SACS: variants seen among roughly 807,000 people sequenced by gnomAD.
SACS encodes sacsin.
SACS carries 197 observed loss-of-function variants against 348.0 expected under a neutral mutation model. The observed-to-expected ratio is 0.57, with a 90% CI of 0.50 to 0.64. The LOEUF is 0.64. Among genes scored for constraint, SACS ranks in the 30% least tolerant of loss-of-function variants. The probability of loss-of-function intolerance (pLI) is 0.00; values close to 1 mark genes in which losing one functional copy is unlikely to be tolerated. For synonymous variants in SACS, 1,985 were observed against 1,910.6 expected, an observed-to-expected ratio of 1.04 and a Z score of -1.02; for missense variants, 4,999 against 5,360.8, an observed-to-expected ratio of 0.93 and a Z score of 2.11.
At chr13:23,347,930 C>CATAAGAAGGCTTCATA (rs1869717705) in intron 9 of SACS, among the ~76,000 whole-genome samples, 2 of 152,156 alleles carry the variant, frequency 1.3e-5, no homozygotes, top group Admixed American at 6.5e-5. Context: ...TCATAACACC[C>CATAAGAAGGCTTCATA]AGAAAATGGA....
intron 4 of SACS, among the ~76,000 whole-genome samples, chr13:23,368,876 T>A (rs948268770): frequency 2.8e-4 from 42 of 151,896 alleles, no homozygotes; most frequent in African/African-American, 9.4e-4. Flanking sequence ...TTTTTTTGTA[T>A]TTTTAGTAGA....
intron 3 of SACS, among the ~76,000 whole-genome samples, chr13:23,371,986 G>A (rs1201380491): frequency 6.6e-6 from 1 of 152,076 alleles, no homozygotes; most frequent in South Asian, 2.1e-4. Flanking sequence ...AGTGAGATCT[G>A]TCTCTATTTG....
At chr13:23,374,826 A>G (rs1871636294) in intron 3 of SACS, among the ~76,000 whole-genome samples, 1 of 152,194 alleles carries the variant, frequency 6.6e-6, no homozygotes. Context: ...TGATTAAATC[A>G]CTTCATTGAT....
chr13:23,346,345 C>T (rs1869605962), intron 9 of SACS, among the ~76,000 whole-genome samples: 1 of 151,348 alleles, frequency 6.6e-6, no homozygotes, highest in African/African-American at 2.4e-5. Context: ...GAGGTTTTAC[C>T]ATCTTGGCCA....
In SACS at chr13:23,339,774, TATACAGCCATCTG is replaced by T; in HGVS notation, c.4089_4101del (p.Arg1364AlafsTer25). The T allele has an allele frequency of 6.2e-7, 1 of 1,614,042 alleles. No individual in the cohort carries two copies. Among genetic ancestry groups the T allele is most frequent in the Non-Finnish European group, 8.5e-7 (1 of 1,179,956 alleles). ...TTGGGGCTTGCTGGAATCTGATTGC[TATACAGCCATCTG>T]ATAATATTCAACATAAGATGAAGAT... On this transcript the variant is annotated frameshift_variant, in exon 10 of 10. Coordinates refer to ENST00000382292, the MANE Select transcript of SACS (RefSeq NM_014363.6). LOFTEE classifies it high-confidence loss of function.
Position 23,339,877 on chromosome 13 carries a change from G to C in SACS, c.3999C>G (p.Ser1333=). ...SIEELTSDHI[S]MVIQKIYLKS... is the part of the protein sequence containing the mutation. Reference sequence around the variant, plus strand: ...TGAGATATATCTTCTGAATAACCATGGAAATATGATCTGATGTCAACTCCT... The same window carrying C: ...TGAGATATATCTTCTGAATAACCATCGAAATATGATCTGATGTCAACTCCT... The change falls in exon 10 of 10, where the codon TCC becomes TCG. Residue 1333 remains serine, a synonymous_variant. Coordinates refer to ENST00000382292, the MANE Select transcript of SACS (RefSeq NM_014363.6). 2 of 1,613,678 alleles carry C rather than the reference G, an allele frequency of 1.2e-6. No individual in the cohort carries two copies. Among genetic ancestry groups the C allele is most frequent in the Non-Finnish European group, 1.7e-6 (2 of 1,179,906 alleles).
rs779198013 is a variant in SACS at position 23,330,470 on chromosome 13, G to A, written c.13406C>T (p.Ala4469Val). The change falls in exon 10 of 10, where the codon GCC becomes GTC. Residue 4469 changes from alanine to valine, a missense_variant. Physicochemically the swap from Ala to Val is moderately conservative, Grantham distance 64 (BLOSUM62 0). Transcript: ENST00000382292. ...SAARNDLHKN[A>V]NEWVCFKCYL... ...ACATTTAAAGCACACCCACTCATTG[G>A]CATTTTTATGAAGGTCATTCCTGGC... The A allele has an allele frequency of 1.2e-6, 2 of 1,614,166 alleles. No individual in the cohort carries two copies. Among genetic ancestry groups the A allele is most frequent in the Non-Finnish European group, 1.7e-6 (2 of 1,180,016 alleles).
chr13:23,346,303 C>T (rs1382078921), intron 9 of SACS, among the ~76,000 whole-genome samples: 1 of 152,144 alleles, frequency 6.6e-6, no homozygotes, highest in Non-Finnish European at 1.5e-5. Context: ...TGCCACCACG[C>T]CTGGCTAATT....
intron 5 of SACS, 135 bp downstream of exon 5, chr13:23,368,267 C>T (rs983221059): frequency 4.7e-6 from 3 of 643,930 alleles, no homozygotes; most frequent in Non-Finnish European, 5.5e-6. Flanking sequence ...TACACTGCAG[C>T]CACAGAGGTA....
chr13:23,406,062 C>T (rs908321668), intron 2 of SACS, among the ~76,000 whole-genome samples: 1 of 152,230 alleles, frequency 6.6e-6, no homozygotes, highest in African/African-American at 2.4e-5. Context: ...AATCATTCTA[C>T]TCTAAAGACA....
intron 9 of SACS, chr13:23,346,661 C>T: frequency 6.1e-6 from 1 of 163,212 alleles, no homozygotes; most frequent in Non-Finnish European, 1.3e-5. Flanking sequence ...GTATGGTTTC[C>T]TCTCTCCTTT....
intron 9 of SACS, chr13:23,346,763 G>A: frequency 3.2e-6 from 3 of 940,548 alleles, no homozygotes; most frequent in Non-Finnish European, 3.8e-6. Flanking sequence ...AGAGCCAAAT[G>A]AACAAAAACA....
In SACS at chr13:23,329,179, CAAT is replaced by C; in HGVS notation, c.*954_*956del. 2.3e-6 allele frequency: 1 copy of C among 427,638 alleles called. No individual in the cohort carries two copies. 26.5% of individuals were successfully genotyped at this position (427,638 alleles called of 1,614,324 possible). On this transcript the variant is annotated 3_prime_UTR_variant, in exon 10 of 10. Transcript: ENST00000382292. ...GATAATTATAAACTACTAGATAACA[CAAT>C]GATTTTAACAATTTTTGATGTTTTT...
intron 1 of SACS, among the ~76,000 whole-genome samples, chr13:23,429,889 A>T (rs9580621): frequency 3.9e-4 from 59 of 152,028 alleles, no homozygotes; most frequent in Non-Finnish European, 7.6e-4. Flanking sequence ...TGTAATCAGG[A>T]TTGTCTCTGG....
intron 2 of SACS, among the ~76,000 whole-genome samples, chr13:23,391,990 C>T (rs1214290090): frequency 1.3e-5 from 2 of 152,182 alleles, no homozygotes; most frequent in African/African-American, 2.4e-5. Flanking sequence ...ACTGCAAATA[C>T]TCCAAGGAAG....
intron 3 of SACS, chr13:23,373,943 G>C (rs1593159994): frequency 6.5e-6 from 1 of 152,698 alleles, no homozygotes; most frequent in South Asian, 2.0e-4. Context: ...CCAGCGGCTA[G>C]GGGTTCATCC....
intron 2 of SACS, among the ~76,000 whole-genome samples, chr13:23,393,105 G>A (rs142727848): frequency 4.6e-4 from 70 of 152,232 alleles, no homozygotes; most frequent in African/African-American, 1.5e-3. Context: ...GCAAAGCCAC[G>A]GCAGGGCCCC....
At position 23,329,889 on chromosome 13, in the gene SACS, T is replaced by C; in HGVS notation, c.*247A>G. On this transcript the variant is annotated 3_prime_UTR_variant, in exon 10 of 10. Transcript: ENST00000382292. ...ATATAAAGTGCAGTTCAATGATGTA[T>C]CATCCCAATCATTCAAATCCATCCA... is the stretch of plus-strand genomic sequence containing the variant. The C allele has an allele frequency of 1.8e-6, 1 of 548,660 alleles. No individual in the cohort carries two copies. The highest frequency in any genetic ancestry group is 2.1e-5 in the South Asian group (1 of 48,412). 34.0% of individuals were successfully genotyped at this position (548,660 alleles called of 1,614,324 possible).
chr13:23,400,507 G>A (rs542244433), intron 2 of SACS, among the ~76,000 whole-genome samples: 3 of 152,214 alleles, frequency 2.0e-5, no homozygotes, highest in East Asian at 1.9e-4. Flanking sequence ...TGCAAGCTCC[G>A]CCTCCTGGGT....
Sources: gnomAD v4.1 joint callset for allele counts (sites outside exome capture counted in the v4.1 genomes callset) on GRCh38, gnomAD v4.1.1 for gene constraint, MANE v1.5 for transcripts, NCBI Gene and HGNC (gene_info 2026-07-23, HGNC 2026-07-21) for gene names.